CACNG4: variants seen among roughly 807,000 people sequenced by gnomAD.
CACNG4 encodes the protein calcium voltage-gated channel auxiliary subunit gamma 4.
A neutral mutation model predicts 22.9 loss-of-function variants in CACNG4; 8 were observed. That is an observed-to-expected ratio of 0.35 (90% CI 0.21 to 0.63). The LOEUF is 0.63. Ranked by LOEUF, CACNG4 falls within the 30% of genes least tolerant of loss-of-function variation. CACNG4 has a pLI of 0.72. For missense variants in CACNG4, 357 were observed against 455.4 expected (o/e 0.78, Z 1.97); for synonymous variants, 188 against 191.9 (o/e 0.98, Z 0.17).
chr17:66,967,096 A>T (rs1182738581), intron 1 of CACNG4, among the ~76,000 whole-genome samples: 1 of 151,744 alleles, frequency 6.6e-6, no homozygotes, highest in East Asian at 1.9e-4. Flanking sequence ...TCTGAAACTA[A>T]CTCCTCCCCG....
intron 2 of CACNG4, among the ~76,000 whole-genome samples, chr17:67,019,571 C>T (rs560692898): frequency 6.6e-6 from 1 of 152,358 alleles, no homozygotes; most frequent in East Asian, 1.9e-4. Context: ...GGTGCTCAGC[C>T]TAGCTGGGAT....
At chr17:66,996,433 G>A (rs1227022701) in intron 1 of CACNG4, among the ~76,000 whole-genome samples, 6 of 149,794 alleles carry the variant, frequency 4.0e-5, no homozygotes, top group African/African-American at 1.5e-4. Context: ...AGGCTGGAGT[G>A]CAGTGGTGTG....
At chr17:66,965,178 AC>A in intron 1 of CACNG4, 47 bp downstream of exon 1, 1 of 1,103,398 alleles carries the variant, frequency 9.1e-7, no homozygotes, top group Non-Finnish European at 1.3e-6. Context: ...ACACACACAC[AC>A]ACACACATAT....
chr17:66,985,100 G>A (rs774398210), intron 1 of CACNG4, among the ~76,000 whole-genome samples: 11 of 152,086 alleles, frequency 7.2e-5, no homozygotes, highest in African/African-American at 2.4e-4. Context: ...AGCTGTGATC[G>A]GGAGATACTG....
At chr17:66,985,713 CT>C (rs2035301531) in intron 1 of CACNG4, among the ~76,000 whole-genome samples, 1 of 152,314 alleles carries the variant, frequency 6.6e-6, no homozygotes, top group South Asian at 2.1e-4. Flanking sequence ...AAGTAGAATC[CT>C]GTCCTGTTCC....
chr17:66,978,357 C>T (rs2035250775), intron 1 of CACNG4, among the ~76,000 whole-genome samples: 1 of 152,192 alleles, frequency 6.6e-6, no homozygotes, highest in Non-Finnish European at 1.5e-5. Context: ...TTCTCATCTG[C>T]TAACCCAAAA....
chr17:67,016,803 C>T (rs571428053), intron 1 of CACNG4, among the ~76,000 whole-genome samples: 4 of 152,206 alleles, frequency 2.6e-5, no homozygotes, highest in African/African-American at 9.6e-5. Context: ...GGTGGCCATT[C>T]TCAGACTTCA....
rs1008390965 is a variant in CACNG4 at position 66,995,377 on chromosome 17, G to A, written c.221-22812G>A. ...CACGGCAGCCTCTCATGAAGCCTGA[G>A]GAAGGTCGGGCTCTTCAGCCCCAGC... On this transcript the variant is annotated intron_variant, in intron 1 of 3. Coordinates refer to ENST00000262138, the MANE Select transcript of CACNG4 (RefSeq NM_014405.4). 5.3e-5 allele frequency among the ~76,000 whole-genome samples: 8 copies of A among 152,272 alleles called. No individual in the cohort carries two copies. In the South Asian group the frequency reaches 1.0e-3, roughly 20 times the overall value.
In CACNG4 at chr17:67,005,580, T is replaced by C. The variant is rs528188805; in HGVS notation, c.221-12609T>C. 4.3e-4 allele frequency among the ~76,000 whole-genome samples: 66 copies of C among 152,284 alleles called. 1 individual carries two copies. The highest frequency in any genetic ancestry group is 1.4e-3 in the Admixed American group (22 of 15,300). ...AGAGAATTTAGAGGTAGAAATGGAT[T>C]CTCTCCAAGAATCCTGCTTCCTAAG... On this transcript the variant is annotated intron_variant, in intron 1 of 3. Coordinates refer to ENST00000262138, the MANE Select transcript of CACNG4 (RefSeq NM_014405.4).
Position 67,031,233 on chromosome 17 carries a change from G to C in CACNG4, c.*229G>C, listed in dbSNP as rs2035604144. On this transcript the variant is annotated 3_prime_UTR_variant, in exon 4 of 4. Transcript: ENST00000262138. This position sits in a 1 kb window ranked among gnomAD's most constrained non-coding sequence, Gnocchi z 4.0. ...GACTTTGTCCCCTCCCCGAAAAAGG[G>C]TGTTTTGATGCCTCAGGGTCTCTGA... is the stretch of plus-strand genomic sequence containing the variant. 4.6e-6 allele frequency: 3 copies of C among 647,132 alleles called. No individual in the cohort carries two copies. The East Asian group carries it at 8.6e-5, about 19-fold the overall frequency. The allele number at this position is 647,132 out of a possible 1,614,324, so 40.1% of individuals were successfully genotyped here.
At chr17:66,997,997 G>A (rs2035385659) in intron 1 of CACNG4, among the ~76,000 whole-genome samples, 1 of 152,166 alleles carries the variant, frequency 6.6e-6, no homozygotes, top group African/African-American at 2.4e-5. Flanking sequence ...GGGCGTGAGA[G>A]AGAAAGGCCA....
chr17:67,023,331 A>G (rs2035543308), intron 2 of CACNG4, among the ~76,000 whole-genome samples: 1 of 130,254 alleles, frequency 7.7e-6, no homozygotes, highest in African/African-American at 2.9e-5. Flanking sequence ...GCTGGAGTGC[A>G]GTGGCGCGAT....
intron 1 of CACNG4, among the ~76,000 whole-genome samples, chr17:67,003,878 C>A (rs776487022): frequency 1.3e-5 from 2 of 152,230 alleles, no homozygotes; most frequent in Non-Finnish European, 2.9e-5. Context: ...CCCTTCACCT[C>A]TCCAGGCAGC....
chr17:66,966,361 CCTT>C (rs1269386924), intron 1 of CACNG4, among the ~76,000 whole-genome samples: 1 of 152,136 alleles, frequency 6.6e-6, no homozygotes, highest in African/African-American at 2.4e-5. Flanking sequence ...GGACAGAATT[CCTT>C]CTTTTTCGGT....
chr17:67,008,400 TGTGGAA>T (rs1412670077), intron 1 of CACNG4, among the ~76,000 whole-genome samples: 2 of 151,892 alleles, frequency 1.3e-5, no homozygotes, highest in African/African-American at 4.8e-5. Flanking sequence ...TGGCACTCGG[TGTGGAA>T]GTGGAGGAAT....
chr17:67,008,867 T>G (rs2035452018), intron 1 of CACNG4, among the ~76,000 whole-genome samples: 1 of 152,096 alleles, frequency 6.6e-6, no homozygotes, highest in South Asian at 2.1e-4. Flanking sequence ...GAGAATCACT[T>G]GAACCCTGGA....
chr17:67,009,976 C>G (rs905851208), intron 1 of CACNG4, among the ~76,000 whole-genome samples: 3 of 152,020 alleles, frequency 2.0e-5, no homozygotes, highest in Non-Finnish European at 2.9e-5. Flanking sequence ...CAAGACCCCA[C>G]CCCCATCCCA....
intron 1 of CACNG4, among the ~76,000 whole-genome samples, chr17:66,985,174 T>A (rs1030158436): frequency 3.3e-5 from 5 of 152,178 alleles, no homozygotes; most frequent in Non-Finnish European, 5.9e-5. Context: ...TGTTTCCAAC[T>A]CCCTACCTGC....
chr17:66,985,591 C>T (rs2035300801), intron 1 of CACNG4, among the ~76,000 whole-genome samples: 1 of 152,082 alleles, frequency 6.6e-6, no homozygotes, highest in South Asian at 2.1e-4. Flanking sequence ...GTAAGAGTTC[C>T]CCAGGCAGGG....
Sources: gnomAD v4.1 joint callset for allele counts (sites outside exome capture counted in the v4.1 genomes callset) on GRCh38, gnomAD v4.1.1 for gene constraint, Gnocchi (gnomAD v3.1) non-coding constraint, MANE v1.5 for transcripts, NCBI Gene and HGNC (gene_info 2026-07-23, HGNC 2026-07-21) for gene names.